Variants in B4GALT6 observed in about 807,000 individuals in gnomAD.
The protein encoded by B4GALT6 is beta-1,4-galactosyltransferase 6.
Under a neutral mutation model 46.3 loss-of-function variants are expected in B4GALT6, and 14 were observed. That is an observed-to-expected ratio of 0.30 (90% CI 0.20 to 0.47). The LOEUF (loss-of-function observed/expected upper bound fraction) is 0.47. Ranked by LOEUF, B4GALT6 falls within the 20% of genes least tolerant of loss-of-function variation. The pLI is 0.99. For synonymous variants in B4GALT6, 168 were observed against 162.0 expected (o/e 1.04, Z -0.28); for missense variants, 386 against 480.1 (o/e 0.80, Z 1.83).
At chr18:31,719,536 C>G in the B4GALT6 span, among the ~76,000 whole-genome samples, 2 of 152,202 alleles carry the variant, frequency 1.3e-5, no homozygotes, top group Non-Finnish European at 2.9e-5. Flanking sequence ...AATCTGTTCA[C>G]CTTGCCCGCT....
Position 31,623,183 on chromosome 18 carries a change from A to C in B4GALT6, c.*2431T>G, listed in dbSNP as rs2073639893. On this transcript the variant is annotated 3_prime_UTR_variant, in exon 9 of 9. Transcript: ENST00000306851. ...CAAACATCCTATAATTTGCATTTGC[A>C]ATGTATTTGTTAATCTTTATGTAAT... 1 of 152,080 alleles carries C rather than the reference A, an allele frequency of 6.6e-6. No homozygotes were observed. Among genetic ancestry groups the C allele is most frequent in the Non-Finnish European group, 1.5e-5 (1 of 67,908 alleles). The allele number at this position is 152,080 out of a possible 1,614,324, so 9.4% of individuals were successfully genotyped here. A position where few individuals can be genotyped will look rare whatever the true frequency, so the allele number is the denominator to read the frequency against.
chr18:31,690,557 C>A (rs1325971962), upstream of B4GALT6, among the ~76,000 whole-genome samples: 3 of 151,982 alleles, frequency 2.0e-5, no homozygotes, highest in African/African-American at 7.3e-5. Flanking sequence ...CTAACCTCCG[C>A]CTCCTGGGTT....
At chr18:31,633,710 C>T (rs2073820720) in intron 5 of B4GALT6, among the ~76,000 whole-genome samples, 1 of 152,206 alleles carries the variant, frequency 6.6e-6, no homozygotes. Flanking sequence ...CTGCCTTCTC[C>T]AGAGTGCACA....
chr18:31,622,962 T>C lies in B4GALT6; in HGVS notation c.*2652A>G, dbSNP rs115186394. Reference sequence around the variant, plus strand: ...CTCCTATTAGCCCTAGGTCCACATATACGGGTTTCTTGACTTTGAGACTAG... The same window carrying C: ...CTCCTATTAGCCCTAGGTCCACATACACGGGTTTCTTGACTTTGAGACTAG... On this transcript the variant is annotated 3_prime_UTR_variant, in exon 9 of 9. Coordinates refer to ENST00000306851, the MANE Select transcript of B4GALT6 (RefSeq NM_004775.5). 2.8e-3 allele frequency: 422 copies of C among 152,174 alleles called. 4 individuals carry two copies. Among genetic ancestry groups the C allele is most frequent in the African/African-American group, 9.9e-3 (412 of 41,566 alleles). The allele number at this position is 152,174 out of a possible 1,614,324, so 9.4% of individuals were successfully genotyped here.
intron 3 of B4GALT6, among the ~76,000 whole-genome samples, chr18:31,655,503 C>T (rs1198425378): frequency 6.6e-6 from 1 of 152,138 alleles, no homozygotes; most frequent in Non-Finnish European, 1.5e-5. Flanking sequence ...ACAGCAGCCA[C>T]GCACGACGCA....
chr18:31,688,334 G>T (rs183301597), upstream of B4GALT6, among the ~76,000 whole-genome samples: 110 of 149,664 alleles, frequency 7.3e-4, no homozygotes, highest in East Asian at 0.02. Flanking sequence ...AATTTGTATT[G>T]TGAATATGAT....
At chr18:31,673,549 C>A (rs372677995) in intron 1 of B4GALT6, among the ~76,000 whole-genome samples, 1 of 152,166 alleles carries the variant, frequency 6.6e-6, no homozygotes, top group Non-Finnish European at 1.5e-5. Context: ...CTGCCGAAAT[C>A]GTCCAGGGAT....
At chr18:31,661,965 C>A (rs957722375) in intron 2 of B4GALT6, among the ~76,000 whole-genome samples, 1 of 152,204 alleles carries the variant, frequency 6.6e-6, no homozygotes, top group Admixed American at 6.5e-5. Context: ...CTCTTAGCCA[C>A]ATGCTATGAT....
the B4GALT6 span, among the ~76,000 whole-genome samples, chr18:31,715,921 A>G: frequency 1.3e-5 from 2 of 151,984 alleles, no homozygotes; most frequent in African/African-American, 4.8e-5. Context: ...TATTACCTTC[A>G]TTATGTCATC....
chr18:31,679,389 G>C (rs543207038), intron 1 of B4GALT6, among the ~76,000 whole-genome samples: 1 of 152,324 alleles, frequency 6.6e-6, no homozygotes, highest in Non-Finnish European at 1.5e-5. Flanking sequence ...ATGGCAATCT[G>C]ACTGTGGAAA....
the B4GALT6 span, among the ~76,000 whole-genome samples, chr18:31,706,092 T>C: frequency 1.3e-5 from 2 of 152,142 alleles, no homozygotes; most frequent in Non-Finnish European, 2.9e-5. Flanking sequence ...TAGTAAATGT[T>C]CAATAAATGT....
chr18:31,722,775 C>A, the B4GALT6 span, among the ~76,000 whole-genome samples: 1 of 152,132 alleles, frequency 6.6e-6, no homozygotes, highest in African/African-American at 2.4e-5. Context: ...TAAACCACAG[C>A]GCTACTATGA....
chr18:31,700,456 T>TGTGTGTGTGTGA, the B4GALT6 span, among the ~76,000 whole-genome samples: 1 of 119,110 alleles, frequency 8.4e-6, no homozygotes, highest in Non-Finnish European at 2.0e-5. Context: ...TGTGTGTGTG[T>TGTGTGTGTGTGA]GTGTGTGTGT....
intron 2 of B4GALT6, among the ~76,000 whole-genome samples, chr18:31,662,834 C>G (rs2074235344): frequency 6.6e-6 from 1 of 151,786 alleles, no homozygotes; most frequent in South Asian, 2.1e-4. Flanking sequence ...GAGCGAGACT[C>G]TGTCTCAAAA....
chr18:31,666,707 G>C (rs577349398), intron 1 of B4GALT6, among the ~76,000 whole-genome samples: 1 of 152,096 alleles, frequency 6.6e-6, no homozygotes, highest in Non-Finnish European at 1.5e-5. Flanking sequence ...TTTTATTACA[G>C]ATGCTCAATC....
At position 31,631,146 on chromosome 18, in the gene B4GALT6, T is replaced by C; in HGVS notation, c.589A>G (p.Thr197Ala). ...GCACGGTTAAAAGGTTGTGTGCCAGTCTTCATGGAGCAGACCGAGAGAAAA... is the reference window on the plus strand; with the variant it reads ...GCACGGTTAAAAGGTTGTGTGCCAGCCTTCATGGAGCAGACCGAGAGAAAA... ...LEFAFYVIEQ[T>A]GTQPFNRAML... The change falls in exon 6 of 9, where the codon ACT (threonine) becomes GCT (alanine). Residue 197 changes from threonine (T) to alanine (A), a missense_variant and splice_region_variant. Thr to Ala is a moderately conservative substitution (Grantham distance 58). Coordinates refer to ENST00000306851, the MANE Select transcript of B4GALT6 (RefSeq NM_004775.5). The C allele has an allele frequency of 6.2e-7, 1 of 1,611,444 alleles. No homozygotes were observed. Among genetic ancestry groups the C allele is most frequent in the Non-Finnish European group, 8.5e-7 (1 of 1,178,332 alleles).
Position 31,641,368 on chromosome 18 carries a change from T to C in B4GALT6, c.472-2608A>G, listed in dbSNP as rs141769083. Among the ~76,000 whole-genome samples, 27 of 152,308 alleles carry C rather than the reference T, an allele frequency of 1.8e-4. 1 individual carries two copies. In the East Asian group the frequency reaches 2.5e-3, roughly 14 times the overall value. On this transcript the variant is annotated intron_variant, in intron 4 of 8. Transcript: ENST00000306851. ...GCTAACCTAATGTGCTAACAGCAAA[T>C]AGATGTCCAAATTTTAATGAGAGGG...
At chr18:31,717,956 A>AAT in the B4GALT6 span, among the ~76,000 whole-genome samples, 2 of 145,662 alleles carry the variant, frequency 1.4e-5, no homozygotes, top group African/African-American at 5.0e-5. Context: ...CTCCGTCTCA[A>AAT]AAAAAAAAAA....
At chr18:31,626,546 ACAG>A (rs1221095399) in intron 7 of B4GALT6, among the ~76,000 whole-genome samples, 162 bp from the exon 8 acceptor site, 1 of 152,216 alleles carries the variant, frequency 6.6e-6, no homozygotes. Context: ...ACTGGGCCGC[ACAG>A]CAGGAGGTGA....
Sources: allele counts gnomAD v4.1 joint callset (sites outside exome capture counted in the v4.1 genomes callset), GRCh38; gene constraint gnomAD v4.1.1; transcripts MANE v1.5; gene names NCBI Gene and HGNC (gene_info 2026-07-23, HGNC 2026-07-21).